Variants in SLC22A23 observed in about 807,000 individuals in gnomAD.
SLC22A23 encodes ion transporter protein.
SLC22A23 carries 26 observed loss-of-function variants against 61.0 expected under a neutral mutation model. The observed-to-expected ratio is 0.43, with a 90% confidence interval of 0.31 to 0.59. SLC22A23 has a LOEUF of 0.59. Among genes scored for constraint, SLC22A23 ranks in the 20% least tolerant of loss-of-function variants. The pLI is 0.11. For synonymous variants in SLC22A23, 430 were observed against 413.9 expected (o/e 1.04, Z -0.47); for missense variants, 796 against 934.7 (o/e 0.85, Z 1.94).
intron 3 of SLC22A23, among the ~76,000 whole-genome samples, chr6:3,403,938 G>A (rs1012988689): frequency 9.9e-5 from 15 of 152,166 alleles, no homozygotes; most frequent in Admixed American, 6.5e-4. Flanking sequence ...AATCTGTCAC[G>A]GTCACCGTCA....
rs139180167 is a variant in SLC22A23 at position 3,359,930 on chromosome 6, T to C, written c.914-35928A>G. ...AAGGAAGCATTTTTTCTTTTTTTCT[T>C]ATTTTCACTTATTTTTGTCCTTAGA... On this transcript the variant is annotated intron_variant, in intron 3 of 9. Coordinates refer to ENST00000406686, the MANE Select transcript of SLC22A23 (RefSeq NM_015482.2). Among the ~76,000 whole-genome samples, 181 of 152,352 alleles carry C rather than the reference T, an allele frequency of 1.2e-3. 1 individual carries two copies. Among genetic ancestry groups the C allele is most frequent in the African/African-American group, 4.1e-3 (171 of 41,578 alleles).
intron 3 of SLC22A23, among the ~76,000 whole-genome samples, chr6:3,405,029 G>A (rs1768706665): frequency 2.0e-5 from 3 of 152,010 alleles, no homozygotes; most frequent in South Asian, 2.1e-4. Context: ...GGGAGGCCGA[G>A]GCGGGCGGAT....
Position 3,269,117 on chromosome 6 carries a change from A to C in SLC22A23, c.*3938T>G, listed in dbSNP as rs537406750. 2.2e-4 allele frequency: 33 copies of C among 152,416 alleles called. No homozygotes were observed. Among genetic ancestry groups the C allele is most frequent in the African/African-American group, 7.5e-4 (31 of 41,560 alleles). 9.4% of individuals were successfully genotyped at this position (152,416 alleles called of 1,614,324 possible). On this transcript the variant is annotated 3_prime_UTR_variant, in exon 10 of 10. Transcript: ENST00000406686. ...TGACGTCTCTAGGAACCTTCAGGCC[A>C]CGGATCAGCAGAACATACACGAACA...
chr6:3,428,550 A>C (rs987258589), intron 1 of SLC22A23, among the ~76,000 whole-genome samples: 4 of 152,158 alleles, frequency 2.6e-5, no homozygotes, highest in Non-Finnish European at 4.4e-5. Flanking sequence ...CTCTCCATTC[A>C]CTACTGATGC....
chr6:3,361,191 T>C (rs1561924299), intron 3 of SLC22A23, among the ~76,000 whole-genome samples: 1 of 150,390 alleles, frequency 6.6e-6, no homozygotes, highest in Non-Finnish European at 1.5e-5. Context: ...CCCCCTCAAC[T>C]GTCTTTCTAC....
chr6:3,405,236 A>C (rs988755876), intron 3 of SLC22A23, among the ~76,000 whole-genome samples: 11 of 152,074 alleles, frequency 7.2e-5, no homozygotes, highest in African/African-American at 2.7e-4. Flanking sequence ...ACACCAGCCC[A>C]GGCGACAGTG....
Position 3,454,484 on chromosome 6 carries a change from C to T in SLC22A23, c.654+1422G>A, listed in dbSNP as rs1381759272. Among the ~76,000 whole-genome samples the T allele has an allele frequency of 6.6e-6, 1 of 152,204 alleles. No individual in the cohort carries two copies. Among genetic ancestry groups the T allele is most frequent in the Non-Finnish European group, 1.5e-5 (1 of 68,028 alleles). ...CTGCTCTAGAAAGACACTTGAAATA[C>T]TTAACAATGTTGCCAAATCCTCAGT... is the stretch of plus-strand genomic sequence containing the variant. On this transcript the variant is annotated intron_variant, in intron 1 of 9. Coordinates refer to ENST00000406686, the MANE Select transcript of SLC22A23 (RefSeq NM_015482.2). The surrounding 1 kb of genome is among the most constrained non-coding windows in gnomAD (Gnocchi z 4.3).
At chr6:3,369,723 TTTAGGTTC>T (rs1311410858) in intron 3 of SLC22A23, among the ~76,000 whole-genome samples, 1 of 151,896 alleles carries the variant, frequency 6.6e-6, no homozygotes, top group Non-Finnish European at 1.5e-5. Flanking sequence ...TAAACAAATG[TTTAGGTTC>T]TTATTTATAG....
At chr6:3,291,784 G>A (rs541506216) in intron 5 of SLC22A23, 14 of 152,240 alleles carry the variant, frequency 9.2e-5, no homozygotes, top group African/African-American at 3.1e-4. Context: ...TAATAGCTAC[G>A]TTTTCTCACC....
chr6:3,379,745 C>T (rs1766834473), intron 3 of SLC22A23, among the ~76,000 whole-genome samples: 2 of 152,006 alleles, frequency 1.3e-5, no homozygotes, highest in Non-Finnish European at 2.9e-5. Context: ...TACGTAGAAA[C>T]TTATGCAATT....
chr6:3,298,462 T>C (rs1320451649), intron 4 of SLC22A23, among the ~76,000 whole-genome samples: 3 of 150,808 alleles, frequency 2.0e-5, no homozygotes, highest in Non-Finnish European at 2.9e-5. Context: ...CACCCACGTA[T>C]GGAAGCTTAA....
In SLC22A23 at chr6:3,403,481, CAGGG is replaced by C. The variant is rs1462462263; in HGVS notation, c.913+6703_913+6706del. Among the ~76,000 whole-genome samples, 8 of 152,254 alleles carry C rather than the reference CAGGG, an allele frequency of 5.3e-5. No homozygotes were observed. In the East Asian group the frequency reaches 1.5e-3, roughly 29 times the overall value. On this transcript the variant is annotated intron_variant, in intron 3 of 9. Transcript: ENST00000406686. ...AAGGGCAAGGTTGTTGACATGAGGG[CAGGG>C]TCTGGAACCCTGGGGAAAGGGAAGC... is the stretch of plus-strand genomic sequence containing the variant.
intron 1 of SLC22A23, among the ~76,000 whole-genome samples, chr6:3,436,416 G>GT (rs2127545088): frequency 6.6e-6 from 1 of 152,282 alleles, no homozygotes; most frequent in South Asian, 2.1e-4. Context: ...GATTACAGGC[G>GT]TAAGCCACTG....
intron 1 of SLC22A23, among the ~76,000 whole-genome samples, chr6:3,436,636 C>T (rs1771233167): frequency 6.6e-6 from 1 of 152,202 alleles, no homozygotes; most frequent in Non-Finnish European, 1.5e-5. Flanking sequence ...TATCTCCATG[C>T]ACCGTGCACC....
intron 3 of SLC22A23, among the ~76,000 whole-genome samples, chr6:3,368,393 C>T (rs1486466851): frequency 2.0e-5 from 3 of 152,186 alleles, no homozygotes; most frequent in Non-Finnish European, 2.9e-5. Flanking sequence ...TTATGTGAAA[C>T]TCTATGCATG....
chr6:3,430,833 G>T (rs1440133724), intron 1 of SLC22A23, among the ~76,000 whole-genome samples: 1 of 152,180 alleles, frequency 6.6e-6, no homozygotes, highest in Non-Finnish European at 1.5e-5. Flanking sequence ...TTGGGAGACT[G>T]AGGTGGGTGG....
At position 3,360,700 on chromosome 6, in the gene SLC22A23, C is replaced by G. The variant is rs887651216; in HGVS notation, c.914-36698G>C. 2.6e-5 allele frequency among the ~76,000 whole-genome samples: 4 copies of G among 152,238 alleles called. No individual in the cohort carries two copies. The highest frequency in any genetic ancestry group is 9.6e-5 in the African/African-American group (4 of 41,464). ...CCCAGTTATTTAGGAGACAAAGAGG[C>G]CCTCAAGCTGGCCTGAGCCCCCAAG... is the stretch of plus-strand genomic sequence containing the variant. On this transcript the variant is annotated intron_variant, in intron 3 of 9. Coordinates refer to ENST00000406686, the MANE Select transcript of SLC22A23 (RefSeq NM_015482.2). This position sits in a 1 kb window ranked among gnomAD's most constrained non-coding sequence, Gnocchi z 4.6.
At position 3,404,424 on chromosome 6, in the gene SLC22A23, C is replaced by A. The variant is rs532750233; in HGVS notation, c.913+5764G>T. Among the ~76,000 whole-genome samples the A allele has an allele frequency of 1.2e-3, 186 of 152,232 alleles. 2 individuals carry two copies. The highest frequency in any genetic ancestry group is 4.3e-3 in the African/African-American group (180 of 41,544). On this transcript the variant is annotated intron_variant, in intron 3 of 9. Transcript: ENST00000406686. Reference sequence around the variant, plus strand: ...AGGTGAGATGATATATCCTTACATGCCCTAGAGACATTTGCATTTTTTCCA... The same window carrying A: ...AGGTGAGATGATATATCCTTACATGACCTAGAGACATTTGCATTTTTTCCA...
intron 3 of SLC22A23, among the ~76,000 whole-genome samples, chr6:3,391,703 C>T (rs1653114901): frequency 6.6e-6 from 1 of 152,112 alleles, no homozygotes; most frequent in African/African-American, 2.4e-5. Context: ...TACAAATACA[C>T]AAATAAATGA....
Sources: gnomAD v4.1 joint callset for allele counts (sites outside exome capture counted in the v4.1 genomes callset) on GRCh38, gnomAD v4.1.1 for gene constraint, Gnocchi (gnomAD v3.1) non-coding constraint, MANE v1.5 for transcripts, NCBI Gene and HGNC (gene_info 2026-07-23, HGNC 2026-07-21) for gene names.